PIK3C3: variants seen among roughly 807,000 people sequenced by gnomAD.
PIK3C3 encodes the protein phosphatidylinositol 3-kinase catalytic subunit type 3.
PIK3C3 carries 95 observed loss-of-function variants against 126.1 expected under a neutral mutation model. The observed-to-expected ratio is 0.75, with a 90% CI of 0.64 to 0.89. The LOEUF is 0.89. Among genes scored for constraint, PIK3C3 ranks in the 40% least tolerant of loss-of-function variants. The probability of loss-of-function intolerance (pLI) is 0.00; values close to 1 mark genes in which losing one functional copy is unlikely to be tolerated. For missense variants in PIK3C3, 829 were observed against 1,063.2 expected (o/e 0.78, Z 3.06); for synonymous variants, 374 against 360.0 (o/e 1.04, Z -0.44).
intron 24 of PIK3C3, among the ~76,000 whole-genome samples, chr18:42,073,378 CA>C (rs1190911017): frequency 6.6e-6 from 1 of 151,624 alleles, no homozygotes; most frequent in African/African-American, 2.4e-5. Flanking sequence ...ACAAAAGAAA[CA>C]AAAAAAATGG....
chr18:42,004,632 A>G (rs1982455383), intron 10 of PIK3C3, 91 bp downstream of exon 10: 2 of 999,406 alleles, frequency 2.0e-6, no homozygotes, highest in Admixed American at 6.3e-5. Context: ...TGAGAGTGAG[A>G]GAGAGAGTGT....
chr18:42,075,835 G>A (rs1985950504), intron 24 of PIK3C3, among the ~76,000 whole-genome samples: 1 of 150,140 alleles, frequency 6.7e-6, no homozygotes, highest in Admixed American at 6.6e-5. Context: ...GCCAGACTTT[G>A]ACTTCTCTGT....
chr18:42,031,726 A>T (rs984392027), intron 15 of PIK3C3, among the ~76,000 whole-genome samples: 1 of 152,100 alleles, frequency 6.6e-6, no homozygotes, highest in South Asian at 2.1e-4. Flanking sequence ...CATCTTTTCC[A>T]TCTATATTTA....
At position 42,083,510 on chromosome 18, in the gene PIK3C3, G is replaced by T. The variant is rs897076507; in HGVS notation, c.*2373G>T. 6.6e-6 allele frequency: 1 copy of T among 152,028 alleles called. No homozygotes were observed. Among genetic ancestry groups the T allele is most frequent in the Non-Finnish European group, 1.5e-5 (1 of 68,012 alleles). 9.4% of individuals were successfully genotyped at this position (152,028 alleles called of 1,614,324 possible). ...TATGGTTAACATTGCCAAATAAAGG[G>T]TCATACAGCCTTGCTTTTTGCTGGA... is the stretch of plus-strand genomic sequence containing the variant. On this transcript the variant is annotated 3_prime_UTR_variant, in exon 25 of 25. Coordinates refer to ENST00000262039, the MANE Select transcript of PIK3C3 (RefSeq NM_002647.4).
At chr18:42,016,425 G>T (rs1983077263) in intron 12 of PIK3C3, among the ~76,000 whole-genome samples, 1 of 152,130 alleles carries the variant, frequency 6.6e-6, no homozygotes, top group African/African-American at 2.4e-5. Context: ...CATTGATTCA[G>T]TCATTCATTC....
chr18:42,048,693 A>G (rs1013112320), intron 20 of PIK3C3, among the ~76,000 whole-genome samples: 1 of 152,208 alleles, frequency 6.6e-6, no homozygotes, highest in Non-Finnish European at 1.5e-5. Context: ...TCAGAACCTA[A>G]GTCAAATGAA....
chr18:41,957,745 A>G lies in PIK3C3; in HGVS notation c.244A>G (p.Ser82Gly). Residue 82 changes from serine (S) to glycine (G), a missense_variant, in exon 2 of 25, where the codon AGT becomes GGT. Physicochemically the swap from Ser to Gly is moderately conservative, Grantham distance 56 (BLOSUM62 0). Transcript: ENST00000262039. Reference sequence around the variant, plus strand: ...AGTGAGAACATCCTACAAAGCATTTAGTACAAGATGGAAGTAAGTTTTTTT... The same window carrying G: ...AGTGAGAACATCCTACAAAGCATTTGGTACAAGATGGAAGTAAGTTTTTTT... ...LPVRTSYKAF[S>G]TRWNWNEWLK... 1.2e-6 allele frequency: 2 copies of G among 1,610,270 alleles called. No homozygotes were observed. Among genetic ancestry groups the G allele is most frequent in the Non-Finnish European group, 8.5e-7 (1 of 1,178,908 alleles).
In PIK3C3 at chr18:42,037,716, T is replaced by C. The variant is rs1359813717; in HGVS notation, c.1864T>C (p.Phe622Leu). The C allele has an allele frequency of 3.7e-6, 6 of 1,612,050 alleles. No individual in the cohort carries two copies. The African/African-American group carries it at 8.0e-5, about 22-fold the overall frequency. ...GAGTGCCCTTATGCCTGCACAGTTG[T>C]TTTTTAAGACGGAAGATGGAGGCAA... Reference protein sequence around the residue: ...FKSALMPAQLFFKTEDGGKYP... With the variant: ...FKSALMPAQLLFKTEDGGKYP... The change falls in exon 17 of 25, where the codon TTT becomes CTT. Residue 622 changes from phenylalanine to leucine, a missense_variant. Transcript: ENST00000262039.
At chr18:41,983,368 T>C (rs965059895) in intron 4 of PIK3C3, among the ~76,000 whole-genome samples, 3 of 151,712 alleles carry the variant, frequency 2.0e-5, no homozygotes, top group Non-Finnish European at 2.9e-5. Context: ...TTTTTTTTTT[T>C]CTCTCTCCAG....
At chr18:42,076,105 T>TATATATATATATGCGC (rs1985974071) in intron 24 of PIK3C3, among the ~76,000 whole-genome samples, 1 of 74,694 alleles carries the variant, frequency 1.3e-5, no homozygotes, top group African/African-American at 7.3e-5. Flanking sequence ...TATATATATA[T>TATATATATATATGCGC]ATATATATAT....
At chr18:41,968,214 T>G (rs1019486034) in intron 3 of PIK3C3, among the ~76,000 whole-genome samples, 1 of 152,140 alleles carries the variant, frequency 6.6e-6, no homozygotes, top group Non-Finnish European at 1.5e-5. Flanking sequence ...AAGTATTCAC[T>G]GGGGGATGGG....
At chr18:42,076,103 T>TGCAC (rs1371001159) in intron 24 of PIK3C3, among the ~76,000 whole-genome samples, 3 of 66,548 alleles carry the variant, frequency 4.5e-5, no homozygotes, top group South Asian at 3.5e-4. Context: ...TATATATATA[T>TGCAC]ATATATATAT....
chr18:42,046,799 T>C (rs1984577931), intron 20 of PIK3C3, among the ~76,000 whole-genome samples: 1 of 152,174 alleles, frequency 6.6e-6, no homozygotes, highest in South Asian at 2.1e-4. Context: ...CTACTGAGTA[T>C]TGACACTTTA....
At chr18:41,958,729 A>T (rs1568108927) in intron 2 of PIK3C3, among the ~76,000 whole-genome samples, 2 of 152,152 alleles carry the variant, frequency 1.3e-5, no homozygotes, top group African/African-American at 4.8e-5. Flanking sequence ...GTATATAGAT[A>T]TGTGTGTATG....
At chr18:41,962,401 C>T (rs1980134717) in intron 2 of PIK3C3, 88 bp from the exon 3 acceptor site, 1 of 1,125,292 alleles carries the variant, frequency 8.9e-7, no homozygotes, top group Non-Finnish European at 1.2e-6. Context: ...ACCTTTTCCT[C>T]TGGCCAAAAC....
chr18:42,044,037 C>T (rs1027615262), intron 20 of PIK3C3, among the ~76,000 whole-genome samples: 1 of 152,134 alleles, frequency 6.6e-6, no homozygotes, highest in African/African-American at 2.4e-5. Context: ...TCTTTGTAAT[C>T]ACTGAACTAT....
At chr18:42,072,514 C>A (rs911666687) in intron 24 of PIK3C3, among the ~76,000 whole-genome samples, 1 of 152,106 alleles carries the variant, frequency 6.6e-6, no homozygotes, top group African/African-American at 2.4e-5. Context: ...TTTGAAATTG[C>A]ATCATTGTAA....
chr18:41,990,778 GTA>G (rs1292722598), intron 6 of PIK3C3, among the ~76,000 whole-genome samples: 3 of 152,256 alleles, frequency 2.0e-5, no homozygotes, highest in African/African-American at 7.2e-5. Context: ...AATTCAATAA[GTA>G]TGCAAGTGAT....
chr18:42,048,028 T>C (rs1035414994), intron 20 of PIK3C3, among the ~76,000 whole-genome samples: 3 of 152,312 alleles, frequency 2.0e-5, no homozygotes, highest in East Asian at 3.9e-4. Flanking sequence ...AAATAAACTT[T>C]ACAAAAACTG....
Sources: allele counts gnomAD v4.1 joint callset (sites outside exome capture counted in the v4.1 genomes callset), GRCh38; gene constraint gnomAD v4.1.1; transcripts MANE v1.5; gene names NCBI Gene and HGNC (gene_info 2026-07-23, HGNC 2026-07-21).